The following FRMD4B variants were observed in gnomAD, a reference collection of about 807,000 sequenced individuals.
FRMD4B encodes the protein FERM domain containing 4B, also known as FERM domain-containing protein 4B.
In FRMD4B, 74 loss-of-function variants were observed where a neutral mutation model predicts 141.5. That is an observed-to-expected ratio of 0.52 (90% CI 0.43 to 0.63). FRMD4B has a LOEUF of 0.63. Among genes scored for constraint, FRMD4B ranks in the 30% least tolerant of loss-of-function variants. FRMD4B has a pLI of 0.00. For synonymous variants in FRMD4B, 506 were observed against 467.9 expected, an observed-to-expected ratio of 1.08 and a Z score of -1.05; for missense variants, 1,366 against 1,253.4, an observed-to-expected ratio of 1.09 and a Z score of -1.36.
At chr3:69,238,638 A>G (rs72929585) in intron 7 of FRMD4B, among the ~76,000 whole-genome samples, 5,995 of 152,142 alleles carry the variant, frequency 0.039, 411 homozygotes, top group African/African-American at 0.14. Flanking sequence ...ACAAAAATTA[A>G]TCAGACGTGG....
intron 11 of FRMD4B, among the ~76,000 whole-genome samples, chr3:69,204,980 C>T (rs1367422270): frequency 6.7e-6 from 1 of 149,656 alleles, no homozygotes; most frequent in Non-Finnish European, 1.5e-5. Context: ...CTCCAAGATC[C>T]TCAATGTATA....
chr3:69,247,158 A>G (rs1320898143), intron 7 of FRMD4B, among the ~76,000 whole-genome samples: 2 of 151,194 alleles, frequency 1.3e-5, no homozygotes, highest in East Asian at 3.9e-4. Context: ...ATTACTTGCT[A>G]TAAGCCAGAT....
chr3:69,349,147 G>C lies in FRMD4B; in HGVS notation c.163-35630C>G, dbSNP rs866491117. ...AAGTCTCAGGATACAAAATCAATGT[G>C]CTAAAATCACAAGCATTTTTATACA... On this transcript the variant is annotated intron_variant, in intron 1 of 22. Coordinates refer to ENST00000398540, the MANE Select transcript of FRMD4B (RefSeq NM_015123.3). 1.2e-3 allele frequency among the ~76,000 whole-genome samples: 177 copies of C among 152,252 alleles called. 3 individuals are homozygous for C. Among genetic ancestry groups the C allele is most frequent in the African/African-American group, 4.0e-3 (166 of 41,524 alleles).
At chr3:69,418,798 C>G (rs927720799) in intron 2 of FRMD4B, among the ~76,000 whole-genome samples, 1 of 151,832 alleles carries the variant, frequency 6.6e-6, no homozygotes, top group Non-Finnish European at 1.5e-5. Flanking sequence ...TAAGTTGTGC[C>G]CAGACTCCTG....
chr3:69,184,651 T>C (rs994592743), intron 19 of FRMD4B, among the ~76,000 whole-genome samples: 2 of 152,218 alleles, frequency 1.3e-5, no homozygotes, highest in African/African-American at 4.8e-5. Context: ...ATAATAATTT[T>C]TAAGACAATG....
At chr3:69,477,386 C>T (rs1342282317) in intron 1 of FRMD4B, among the ~76,000 whole-genome samples, 1 of 148,202 alleles carries the variant, frequency 6.7e-6, no homozygotes, top group African/African-American at 2.6e-5. Flanking sequence ...CCATCAATAC[C>T]TAATTTACTG....
intron 12 of FRMD4B, 141 bp downstream of exon 12, chr3:69,198,557 T>C: frequency 1.6e-6 from 1 of 620,138 alleles, no homozygotes; most frequent in South Asian, 2.0e-5. Context: ...TAGTTACCAT[T>C]TGACCCAGCA....
chr3:69,347,151 T>G (rs1362548212), intron 1 of FRMD4B, among the ~76,000 whole-genome samples: 1 of 151,674 alleles, frequency 6.6e-6, no homozygotes, highest in East Asian at 1.9e-4. Context: ...ACGAAGCAAA[T>G]GGAAAACAAA....
chr3:69,492,358 A>G (rs983069761), intron 1 of FRMD4B, among the ~76,000 whole-genome samples: 4 of 152,294 alleles, frequency 2.6e-5, no homozygotes, highest in African/African-American at 9.6e-5. Context: ...AGCTTGCTCA[A>G]TAAGTGTTAG....
intron 1 of FRMD4B, among the ~76,000 whole-genome samples, chr3:69,474,297 A>G (rs1705943466): frequency 1.3e-5 from 2 of 152,190 alleles, no homozygotes; most frequent in Non-Finnish European, 2.9e-5. Flanking sequence ...GAACAATACA[A>G]TTCTGGTAGA....
intron 1 of FRMD4B, among the ~76,000 whole-genome samples, chr3:69,459,395 C>A (rs73835859): frequency 0.012 from 1,767 of 152,324 alleles, 30 homozygotes; most frequent in African/African-American, 0.039. Flanking sequence ...GGACTCACTA[C>A]AGCTCATTTT....
intron 5 of FRMD4B, among the ~76,000 whole-genome samples, chr3:69,263,718 C>T (rs1254477817): frequency 2.0e-5 from 3 of 150,740 alleles, no homozygotes; most frequent in Non-Finnish European, 4.4e-5. Context: ...AGCCTATATG[C>T]ACTTTTTAAT....
chr3:69,490,038 G>A (rs182466464), intron 1 of FRMD4B, among the ~76,000 whole-genome samples: 121 of 152,276 alleles, frequency 7.9e-4, no homozygotes, highest in African/African-American at 2.7e-3. Flanking sequence ...GAGATAGAAC[G>A]TGGACGAATG....
rs542038848 is a variant in FRMD4B at position 69,322,671 on chromosome 3, A to T, written c.163-9154T>A. The stretch of plus-strand genomic sequence containing the variant: ...GAGTACAGTGGCATGAACATGACTC[A>T]CTGCAGCCTCGACCTGCTGGGCTCA... On this transcript the variant is annotated intron_variant, in intron 1 of 22. Coordinates refer to ENST00000398540, the MANE Select transcript of FRMD4B (RefSeq NM_015123.3). Among the ~76,000 whole-genome samples, 13 of 144,578 alleles carry T rather than the reference A, an allele frequency of 9.0e-5. No individual in the cohort carries two copies. The South Asian group carries it at 2.8e-3, about 31-fold the overall frequency. The allele number at this position is 144,578 out of a possible 152,430, so 94.8% of individuals were successfully genotyped here.
intron 1 of FRMD4B, among the ~76,000 whole-genome samples, chr3:69,363,425 T>C (rs1575765618): frequency 6.8e-6 from 1 of 147,378 alleles, no homozygotes. Context: ...AGTCTTGCTC[T>C]GTTGCCCAGG....
At chr3:69,210,952 G>A (rs1161480121) in intron 11 of FRMD4B, among the ~76,000 whole-genome samples, 1 of 144,988 alleles carries the variant, frequency 6.9e-6, no homozygotes, top group Non-Finnish European at 1.5e-5. Flanking sequence ...AGCAGGGGTT[G>A]CAGTGAGCTG....
intron 1 of FRMD4B, among the ~76,000 whole-genome samples, chr3:69,444,755 A>C (rs1705386699): frequency 6.6e-6 from 1 of 152,230 alleles, no homozygotes; most frequent in South Asian, 2.1e-4. Flanking sequence ...TTCACTACTC[A>C]TCTCCACGAA....
intron 1 of FRMD4B, among the ~76,000 whole-genome samples, chr3:69,367,686 C>T (rs17005712): frequency 0.17 from 26,372 of 152,088 alleles, 2,546 homozygotes; most frequent in African/African-American, 0.24. Context: ...CTCATAGAAT[C>T]CCATAGTACC....
chr3:69,394,279 C>G (rs1339968943), intron 2 of FRMD4B, among the ~76,000 whole-genome samples: 1 of 152,220 alleles, frequency 6.6e-6, no homozygotes, highest in African/African-American at 2.4e-5. Context: ...TGGGGACCCC[C>G]AGGCCCACGG....
Sources: allele counts gnomAD v4.1 joint callset (sites outside exome capture counted in the v4.1 genomes callset), GRCh38; gene constraint gnomAD v4.1.1; transcripts MANE v1.5; gene names NCBI Gene and HGNC (gene_info 2026-07-23, HGNC 2026-07-21).